Variants in RABGAP1L observed in about 807,000 individuals in gnomAD.
The protein encoded by RABGAP1L is RAB GTPase activating protein 1 like.
A neutral mutation model predicts 137.7 loss-of-function variants in RABGAP1L; 63 were observed. The ratio of observed to expected loss-of-function variants is 0.46; its 90% CI spans 0.37 to 0.56. RABGAP1L has a LOEUF of 0.56. Among genes scored for constraint, RABGAP1L ranks in the 20% least tolerant of loss-of-function variants. The pLI is 0.00. For synonymous variants in RABGAP1L, 431 were observed against 433.7 expected, an observed-to-expected ratio of 0.99 and a Z score of 0.08; for missense variants, 1,095 against 1,244.0, an observed-to-expected ratio of 0.88 and a Z score of 1.80.
chr1:174,979,672 A>C (rs1394485479), intron 23 of RABGAP1L, among the ~76,000 whole-genome samples: 1 of 152,218 alleles, frequency 6.6e-6, no homozygotes, highest in Non-Finnish European at 1.5e-5. Flanking sequence ...CAATGCTAGC[A>C]GGAAGCTTTC....
At position 174,806,361 on chromosome 1, in the gene RABGAP1L, A is replaced by G. The variant is rs575937202; in HGVS notation, c.2212-5471A>G. Among the ~76,000 whole-genome samples the G allele has an allele frequency of 4.6e-5, 7 of 152,362 alleles. No individual in the cohort carries two copies. The South Asian group carries it at 1.4e-3, about 32-fold the overall frequency. On this transcript the variant is annotated intron_variant, in intron 18 of 25. Transcript: ENST00000681986. ...ACTCCTGTAATCTTAGCTACTAGGA[A>G]GACTGAGGCAGGAGAATGGCTTGAG... is the stretch of plus-strand genomic sequence containing the variant.
In RABGAP1L at chr1:174,252,588, A is replaced by G; in HGVS notation, c.984A>G (p.Glu328=). 1 of 1,609,690 alleles carries G rather than the reference A, an allele frequency of 6.2e-7. No individual in the cohort carries two copies. Among genetic ancestry groups the G allele is most frequent in the Non-Finnish European group, 8.5e-7 (1 of 1,178,680 alleles). Residue 328 remains glutamate, a splice_region_variant and synonymous_variant, in exon 7 of 26, where the codon GAA becomes GAG. Coordinates refer to ENST00000681986, the MANE Select transcript of RABGAP1L (RefSeq NM_001366446.1). The stretch of plus-strand genomic sequence containing the variant: ...TTTCTAACAAAGAATTAGCTATTGA[A>G]AGGTAAGCAGCTTGCTCCTAAATGC... The part of the protein sequence containing the change: ...QQLSNKELAI[E]RCFGMLLSPG...
intron 13 of RABGAP1L, among the ~76,000 whole-genome samples, chr1:174,571,043 A>G (rs1667941458): frequency 6.6e-6 from 1 of 152,228 alleles, no homozygotes. Context: ...AGATGAATGG[A>G]GAAAGAAAAT....
At chr1:174,699,789 C>A in intron 16 of RABGAP1L, 139 bp downstream of exon 16, 3 of 782,312 alleles carry the variant, frequency 3.8e-6, no homozygotes, top group Non-Finnish European at 3.9e-6. Context: ...AGTTTCAGAC[C>A]AATATCTACA....
chr1:174,358,953 G>T (rs1456048538), intron 11 of RABGAP1L, among the ~76,000 whole-genome samples: 2 of 152,160 alleles, frequency 1.3e-5, no homozygotes, highest in Non-Finnish European at 2.9e-5. Context: ...AATATGACGT[G>T]CTAAGTGCTA....
At chr1:174,731,006 G>A (rs770041051) in intron 17 of RABGAP1L, among the ~76,000 whole-genome samples, 1 of 152,044 alleles carries the variant, frequency 6.6e-6, no homozygotes, top group Admixed American at 6.5e-5. Context: ...AGAGCATCTC[G>A]CTCTGTTGCC....
At chr1:174,633,525 A>G (rs1204123002) in intron 13 of RABGAP1L, among the ~76,000 whole-genome samples, 67 of 150,052 alleles carry the variant, frequency 4.5e-4, no homozygotes, top group African/African-American at 1.6e-3. Context: ...CAGAATTGGA[A>G]AAAACTACTT....
At chr1:174,755,793 C>T (rs1017757163) in intron 18 of RABGAP1L, among the ~76,000 whole-genome samples, 1 of 152,136 alleles carries the variant, frequency 6.6e-6, no homozygotes, top group Non-Finnish European at 1.5e-5. Flanking sequence ...TGAAAGGATG[C>T]ACATAAATTT....
At chr1:174,334,536 C>T (rs1681305587) in intron 11 of RABGAP1L, among the ~76,000 whole-genome samples, 1 of 152,192 alleles carries the variant, frequency 6.6e-6, no homozygotes. Context: ...CTTTTCTGAC[C>T]TAATGTTCTA....
chr1:174,282,259 A>G (rs899823704), intron 10 of RABGAP1L, among the ~76,000 whole-genome samples: 2 of 152,182 alleles, frequency 1.3e-5, no homozygotes, highest in African/African-American at 2.4e-5. Context: ...CTCCAGCAGT[A>G]TATGTGTGTC....
intron 19 of RABGAP1L, among the ~76,000 whole-genome samples, chr1:174,886,780 A>AT (rs1295281268): frequency 2.7e-5 from 4 of 150,838 alleles, no homozygotes; most frequent in East Asian, 3.9e-4. Context: ...TTTTCTTTAC[A>AT]TTTTTTATGG....
At chr1:174,820,888 G>A (rs561616226) in intron 19 of RABGAP1L, among the ~76,000 whole-genome samples, 2 of 151,896 alleles carry the variant, frequency 1.3e-5, no homozygotes, top group South Asian at 2.1e-4. Context: ...ATGGTGGCAC[G>A]TGCCTATAAT....
intron 13 of RABGAP1L, among the ~76,000 whole-genome samples, chr1:174,395,823 G>A (rs1647770725): frequency 1.5e-5 from 2 of 130,396 alleles, no homozygotes; most frequent in African/African-American, 3.1e-5. Context: ...GGGCAACATA[G>A]CAAGACCCTG....
intron 1 of RABGAP1L, among the ~76,000 whole-genome samples, chr1:174,192,534 C>T (rs140201442): frequency 6.6e-6 from 1 of 152,044 alleles, no homozygotes; most frequent in Non-Finnish European, 1.5e-5. Flanking sequence ...TCTTGCCAGA[C>T]TGGTCTCGAA....
intron 14 of RABGAP1L, among the ~76,000 whole-genome samples, chr1:174,661,570 A>C (rs1478589497): frequency 6.6e-6 from 1 of 152,218 alleles, no homozygotes; most frequent in Non-Finnish European, 1.5e-5. Context: ...TAAAACTAAT[A>C]ATTCATTATT....
At chr1:174,406,821 G>C (rs1046643945) in intron 13 of RABGAP1L, among the ~76,000 whole-genome samples, 1 of 152,126 alleles carries the variant, frequency 6.6e-6, no homozygotes, top group African/African-American at 2.4e-5. Flanking sequence ...GAAGTGGGAG[G>C]ATCACTTGAG....
intron 13 of RABGAP1L, among the ~76,000 whole-genome samples, chr1:174,615,217 T>C (rs894429843): frequency 7.2e-5 from 11 of 152,168 alleles, no homozygotes; most frequent in Admixed American, 6.5e-4. Flanking sequence ...TTTTATCTAC[T>C]TTTGGTCTTT....
At position 174,550,917 on chromosome 1, in the gene RABGAP1L, C is replaced by CACACACATAT. The variant is rs1374389910; in HGVS notation, c.1711-86453_1711-86452insCATATACACA. ...ATATACACACACACATATACACACA[C>CACACACATAT]ACACATATATATATACACATATATA... On this transcript the variant is annotated intron_variant, in intron 13 of 25. Transcript: ENST00000681986. 6.2e-3 allele frequency among the ~76,000 whole-genome samples: 593 copies of CACACACATAT among 96,394 alleles called. 34 individuals carry two copies. Among genetic ancestry groups the CACACACATAT allele is most frequent in the African/African-American group, 0.031 (566 of 18,116 alleles). The allele number at this position is 96,394 out of a possible 152,430, so 63.2% of individuals were successfully genotyped here. A position where few individuals can be genotyped will look rare whatever the true frequency, so the allele number is the denominator to read the frequency against.
chr1:174,182,901 C>T (rs1051684782), intron 1 of RABGAP1L, among the ~76,000 whole-genome samples: 1 of 152,160 alleles, frequency 6.6e-6, no homozygotes, highest in African/African-American at 2.4e-5. Flanking sequence ...TTTTTTCCCA[C>T]TAAGTTATTT....
Sources: gnomAD v4.1 joint callset for allele counts (sites outside exome capture counted in the v4.1 genomes callset) on GRCh38, gnomAD v4.1.1 for gene constraint, MANE v1.5 for transcripts, NCBI Gene and HGNC (gene_info 2026-07-23, HGNC 2026-07-21) for gene names.